Variants in UBTD1 observed in about 807,000 individuals in gnomAD.
UBTD1 encodes the protein ubiquitin domain-containing protein 1.
In UBTD1, 19 loss-of-function variants were observed where a neutral mutation model predicts 21.7. That is an observed-to-expected ratio of 0.87 (90% CI 0.61 to 1.28). The LOEUF (loss-of-function observed/expected upper bound fraction) is 1.28, where lower values mean the gene tolerates loss of function less well. Among genes scored for constraint, UBTD1 ranks in the 50% most tolerant of loss-of-function variants. The pLI is 0.00. For synonymous variants in UBTD1, 116 were observed against 135.1 expected (o/e 0.86, Z 0.98); for missense variants, 282 against 315.1 (o/e 0.89, Z 0.80).
At chr10:97,518,096 G>A (rs2040452242) in intron 1 of UBTD1, among the ~76,000 whole-genome samples, 1 of 152,196 alleles carries the variant, frequency 6.6e-6, no homozygotes, top group South Asian at 2.1e-4. Flanking sequence ...AAGATGCCAG[G>A]AGAGTGGGGA....
At chr10:97,542,115 A>G (rs915969836) in intron 1 of UBTD1, among the ~76,000 whole-genome samples, 2 of 152,138 alleles carry the variant, frequency 1.3e-5, no homozygotes, top group African/African-American at 2.4e-5. Context: ...CCCCTCGCTA[A>G]TAAGTTCCTG....
intron 1 of UBTD1, among the ~76,000 whole-genome samples, chr10:97,537,010 G>A (rs1420874654): frequency 6.6e-6 from 1 of 152,120 alleles, no homozygotes; most frequent in African/African-American, 2.4e-5. Flanking sequence ...GAGTAGACGT[G>A]CATTCGGACA....
At position 97,546,783 on chromosome 10, in the gene UBTD1, A is replaced by C. The variant is rs145025156; in HGVS notation, c.71-21131A>C. 1.4e-4 allele frequency among the ~76,000 whole-genome samples: 22 copies of C among 152,160 alleles called. No homozygotes were observed. In the South Asian group the frequency reaches 4.2e-3, roughly 29 times the overall value. ...TGCTTTTCCCATTGGCATATTCTTCAGAGCTGTGCATTCAGCTCCTGATAT... is the reference window on the plus strand; with the variant it reads ...TGCTTTTCCCATTGGCATATTCTTCCGAGCTGTGCATTCAGCTCCTGATAT... On this transcript the variant is annotated intron_variant, in intron 1 of 2. Transcript: ENST00000370664.
intron 1 of UBTD1, among the ~76,000 whole-genome samples, chr10:97,507,507 G>A (rs186213150): frequency 4.8e-4 from 73 of 151,958 alleles, no homozygotes; most frequent in Admixed American, 3.5e-3. Flanking sequence ...GGGCACGGTG[G>A]CTCATGCCTG....
intron 1 of UBTD1, 131 bp downstream of exon 1, chr10:97,499,404 G>GC: frequency 2.5e-6 from 3 of 1,187,402 alleles, no homozygotes; most frequent in Non-Finnish European, 3.4e-6. Flanking sequence ...CTGCTCCGCA[G>GC]CCAGAGGGGG....
At chr10:97,504,134 T>G (rs2040389018) in intron 1 of UBTD1, among the ~76,000 whole-genome samples, 1 of 152,076 alleles carries the variant, frequency 6.6e-6, no homozygotes, top group South Asian at 2.1e-4. Context: ...TCCTGTTGGT[T>G]TTGCCTTAAA....
rs756114679 is a variant in UBTD1, at chr10:97,568,066, G to A, written c.223G>A (p.Ala75Thr). The A allele has an allele frequency of 2.1e-5, 34 of 1,613,920 alleles. No homozygotes were observed. Among genetic ancestry groups the A allele is most frequent in the Non-Finnish European group, 2.6e-5 (31 of 1,180,040 alleles). ...KEIWDALKAA[A>T]YAAEANDHEL... ...GATCTGGGATGCCCTCAAGGCTGCC[G>A]CCTATGCTGCTGAAGCCAACGACCA... The change falls in exon 2 of 3, where the codon GCC (alanine) becomes ACC (threonine). Residue 75 changes from alanine to threonine, a missense_variant. Coordinates refer to ENST00000370664, the MANE Select transcript of UBTD1 (RefSeq NM_024954.5).
chr10:97,523,098 A>C (rs2040473514), intron 1 of UBTD1, among the ~76,000 whole-genome samples: 1 of 152,076 alleles, frequency 6.6e-6, no homozygotes, highest in East Asian at 1.9e-4. Context: ...CACCCATATC[A>C]CTTCAGAGCC....
intron 1 of UBTD1, among the ~76,000 whole-genome samples, chr10:97,527,988 C>G (rs1047712705): frequency 1.3e-5 from 2 of 151,916 alleles, no homozygotes; most frequent in Admixed American, 6.5e-5. Flanking sequence ...GGGTGGTGGC[C>G]GGGCAGAGGG....
chr10:97,514,064 G>T (rs1338887560), intron 1 of UBTD1, among the ~76,000 whole-genome samples: 14 of 150,896 alleles, frequency 9.3e-5, no homozygotes, highest in African/African-American at 3.4e-4. Context: ...TGTCCACCAA[G>T]ATTATGGAAG....
In UBTD1 at chr10:97,570,231, CGGA is replaced by C. The variant is rs1554869332; in HGVS notation, c.400_402del (p.Glu134del). ...CCGGTGAACCTGCTGCTGGAGCACA[CGGA>C]GGAGGAGAGCCTGGAGCCCCCCGAG... On this transcript the variant is annotated inframe_deletion, in exon 3 of 3. Transcript: ENST00000370664. This position sits in a 1 kb window ranked among gnomAD's most constrained non-coding sequence, Gnocchi z 6.6. The C allele has an allele frequency of 5.6e-6, 9 of 1,613,248 alleles. No individual in the cohort carries two copies. Among genetic ancestry groups the C allele is most frequent in the East Asian group, 2.2e-5 (1 of 44,870 alleles).
At chr10:97,562,568 C>A (rs80196899) in intron 1 of UBTD1, among the ~76,000 whole-genome samples, 41,004 of 151,830 alleles carry the variant, frequency 0.27, 5,789 homozygotes, top group East Asian at 0.49. Context: ...TTACAAAATA[C>A]CTTCTCAAGG....
chr10:97,570,012 G>T lies in UBTD1; in HGVS notation c.299-126G>T, dbSNP rs1472410631. On this transcript the variant is annotated intron_variant, in intron 2 of 2. Coordinates refer to ENST00000370664, the MANE Select transcript of UBTD1 (RefSeq NM_024954.5). The surrounding 1 kb of genome is among the most constrained non-coding windows in gnomAD (Gnocchi z 6.6). Reference sequence around the variant, plus strand: ...TTTAACTTTATTTATTTCTGTATAGGCCCCATGTCCAAATACAGTCACATT... The same window carrying T: ...TTTAACTTTATTTATTTCTGTATAGTCCCCATGTCCAAATACAGTCACATT... 16 of 1,325,318 alleles carry T rather than the reference G, an allele frequency of 1.2e-5. No homozygotes were observed. Among genetic ancestry groups the T allele is most frequent in the Non-Finnish European group, 1.5e-5 (15 of 971,978 alleles). The allele number at this position is 1,325,318 out of a possible 1,614,324, so 82.1% of individuals were successfully genotyped here. A position where few individuals can be genotyped will look rare whatever the true frequency, so the allele number is the denominator to read the frequency against.
At chr10:97,546,065 G>A (rs1200695713) in intron 1 of UBTD1, among the ~76,000 whole-genome samples, 1 of 152,258 alleles carries the variant, frequency 6.6e-6, no homozygotes, top group East Asian at 1.9e-4. Context: ...GATTACAGGC[G>A]TGAGCCACCA....
chr10:97,509,483 A>G (rs537129386), intron 1 of UBTD1, among the ~76,000 whole-genome samples: 1 of 152,172 alleles, frequency 6.6e-6, no homozygotes, highest in African/African-American at 2.4e-5. Context: ...CGCAAAGCTC[A>G]TTGTTCCACT....
intron 1 of UBTD1, among the ~76,000 whole-genome samples, chr10:97,504,976 G>GAA (rs1318806410): frequency 6.6e-6 from 1 of 152,128 alleles, no homozygotes; most frequent in African/African-American, 2.4e-5. Context: ...GCTCACTATT[G>GAA]GGGTCCTAAC....
intron 1 of UBTD1, among the ~76,000 whole-genome samples, chr10:97,563,051 G>A (rs991927135): frequency 1.3e-5 from 2 of 152,084 alleles, no homozygotes; most frequent in Admixed American, 6.5e-5. Context: ...TAATATTGTG[G>A]GGTTGTTAGA....
At chr10:97,502,054 A>G (rs1289138660) in intron 1 of UBTD1, among the ~76,000 whole-genome samples, 1 of 152,182 alleles carries the variant, frequency 6.6e-6, no homozygotes, top group East Asian at 1.9e-4. Flanking sequence ...TCCTTGTAGT[A>G]TATGTCTCTC....
At chr10:97,547,427 A>G (rs886405172) in intron 1 of UBTD1, among the ~76,000 whole-genome samples, 3 of 152,044 alleles carry the variant, frequency 2.0e-5, no homozygotes, top group African/African-American at 7.2e-5. Context: ...TGCTGACCCT[A>G]CGCTGTGCAA....
Sources: allele counts gnomAD v4.1 joint callset (sites outside exome capture counted in the v4.1 genomes callset), GRCh38; gene constraint gnomAD v4.1.1; non-coding constraint Gnocchi (gnomAD v3.1); transcripts MANE v1.5; gene names NCBI Gene and HGNC (gene_info 2026-07-23, HGNC 2026-07-21).